NPSR1: variants seen among roughly 807,000 people sequenced by gnomAD.
NPSR1 encodes neuropeptide S receptor.
A neutral mutation model predicts 46.9 loss-of-function variants in NPSR1; 48 were observed. The observed-to-expected ratio is 1.02, with a 90% confidence interval of 0.81 to 1.30. The LOEUF is 1.30. NPSR1 is among the 50% of genes most tolerant of loss of function. The pLI is 0.00. For synonymous variants in NPSR1, 176 were observed against 168.1 expected (o/e 1.05, Z -0.36); for missense variants, 450 against 449.5 (o/e 1.00, Z -0.01).
At chr7:34,813,766 G>A (rs1243758091) in intron 4 of NPSR1, among the ~76,000 whole-genome samples, 2 of 152,198 alleles carry the variant, frequency 1.3e-5, no homozygotes, top group Non-Finnish European at 2.9e-5. Flanking sequence ...CCAGTGGTGT[G>A]ACCACCACAG....
At chr7:34,691,418 G>C (rs760137557) in intron 2 of NPSR1, among the ~76,000 whole-genome samples, 4 of 152,062 alleles carry the variant, frequency 2.6e-5, no homozygotes, top group Non-Finnish European at 4.4e-5. Flanking sequence ...AAAATATAGA[G>C]TGGAAAATTG....
intron 5 of NPSR1, among the ~76,000 whole-genome samples, chr7:34,831,634 T>C (rs1790123271): frequency 6.6e-6 from 1 of 152,068 alleles, no homozygotes; most frequent in Non-Finnish European, 1.5e-5. Context: ...GCAAAGGCAA[T>C]ACATTGTTTT....
intron 2 of NPSR1, among the ~76,000 whole-genome samples, chr7:34,688,573 T>C (rs1051893139): frequency 1.3e-5 from 2 of 152,132 alleles, no homozygotes; most frequent in African/African-American, 4.8e-5. Flanking sequence ...CACACCTGGA[T>C]GTAATTCCAG....
At chr7:34,819,988 T>C (rs1365718028) in intron 4 of NPSR1, among the ~76,000 whole-genome samples, 4 of 152,142 alleles carry the variant, frequency 2.6e-5, no homozygotes, top group Non-Finnish European at 5.9e-5. Context: ...AGTTGATGGG[T>C]GCAGCAAACC....
Position 34,670,393 on chromosome 7 carries a change from G to A in NPSR1, c.147+11834G>A, listed in dbSNP as rs529707322. Reference sequence around the variant, plus strand: ...AACTAGTATTTTTGCAACAAAAGTAGTGGGTGAATAATGGTTCTTATATAA... The same window carrying A: ...AACTAGTATTTTTGCAACAAAAGTAATGGGTGAATAATGGTTCTTATATAA... On this transcript the variant is annotated intron_variant, in intron 1 of 8. Transcript: ENST00000360581. 2.0e-4 allele frequency among the ~76,000 whole-genome samples: 30 copies of A among 152,130 alleles called. No individual in the cohort carries two copies. In the South Asian group the frequency reaches 4.1e-3, roughly 21 times the overall value.
rs34725992 is a variant in NPSR1 at position 34,814,519 on chromosome 7, G to A, written c.478+2656G>A. Among the ~76,000 whole-genome samples, 544 of 152,330 alleles carry A rather than the reference G, an allele frequency of 3.6e-3. 1 individual carries two copies. The highest frequency in any genetic ancestry group is 5.7e-3 in the Non-Finnish European group (390 of 68,018). On this transcript the variant is annotated intron_variant, in intron 4 of 8. Coordinates refer to ENST00000360581, the MANE Select transcript of NPSR1 (RefSeq NM_207172.2). ...TCTGCAGACTTAAACGTCCCTGTTC[G>A]ACAGCTCTGAAGAGCACAGTGGTTC...
chr7:34,775,908 A>T (rs1203304081), intron 2 of NPSR1, among the ~76,000 whole-genome samples: 1 of 152,106 alleles, frequency 6.6e-6, no homozygotes, highest in African/African-American at 2.4e-5. Context: ...TGTATCCCAT[A>T]GATTTTGGTA....
intron 8 of NPSR1, among the ~76,000 whole-genome samples, chr7:34,868,132 T>A (rs1791361188): frequency 1.3e-5 from 2 of 151,658 alleles, no homozygotes; most frequent in Admixed American, 1.3e-4. Flanking sequence ...TCTGGTGAAT[T>A]TTCTTTATTA....
chr7:34,721,768 C>T (rs1372347328), intron 2 of NPSR1, among the ~76,000 whole-genome samples: 1 of 152,036 alleles, frequency 6.6e-6, no homozygotes, highest in Admixed American at 6.6e-5. Flanking sequence ...ATGAAAGCAA[C>T]AGTTTTTAAA....
intron 2 of NPSR1, among the ~76,000 whole-genome samples, chr7:34,771,313 C>T (rs913865615): frequency 3.9e-5 from 6 of 152,078 alleles, no homozygotes; most frequent in South Asian, 2.1e-4. Flanking sequence ...TGTGGTGTCA[C>T]GTACTGTTCC....
chr7:34,744,889 A>G lies in NPSR1; in HGVS notation c.281-33573A>G, dbSNP rs548774812. ...TTGTGAATTGAAAATATTCAGAAAA[A>G]AATGCATCTATACTGAACATGTTCA... On this transcript the variant is annotated intron_variant, in intron 2 of 8. Transcript: ENST00000360581. Among the ~76,000 whole-genome samples the G allele has an allele frequency of 9.2e-5, 14 of 152,320 alleles. No homozygotes were observed. The East Asian group carries it at 2.5e-3, about 27-fold the overall frequency.
intron 3 of NPSR1, among the ~76,000 whole-genome samples, chr7:34,787,178 T>G (rs1787502462): frequency 6.6e-6 from 1 of 152,168 alleles, no homozygotes; most frequent in Admixed American, 6.5e-5. Flanking sequence ...ATATTCTGGA[T>G]AACTTAATGC....
At chr7:34,797,751 C>A (rs972333055) in intron 3 of NPSR1, among the ~76,000 whole-genome samples, 3 of 151,950 alleles carry the variant, frequency 2.0e-5, no homozygotes, top group Admixed American at 1.3e-4. Context: ...CTGCAGAAAA[C>A]CAAAGACAAA....
At position 34,827,430 on chromosome 7, in the gene NPSR1, G is replaced by A. The variant is rs766192701; in HGVS notation, c.508G>A (p.Ala170Thr). 103 of 1,613,870 alleles carry A rather than the reference G, an allele frequency of 6.4e-5. No homozygotes were observed. The highest frequency in any genetic ancestry group is 2.4e-4 in the South Asian group (22 of 91,078). ...GCAAGCCAGGGTCCTCATTGTGATCGCCTGGAGCCTGTCTTTTCTGTTCTC... is the reference window on the plus strand; with the variant it reads ...GCAAGCCAGGGTCCTCATTGTGATCACCTGGAGCCTGTCTTTTCTGTTCTC... ...EKQARVLIVI[A>T]WSLSFLFSIP... Residue 170 changes from alanine (A) to threonine (T), a missense_variant, in exon 5 of 9, where the codon GCC becomes ACC. By Grantham distance (58) the Ala-to-Thr change is moderately conservative (BLOSUM62 0). Transcript: ENST00000360581.
At chr7:34,660,940 C>A (rs556020030) in intron 1 of NPSR1, among the ~76,000 whole-genome samples, 3 of 152,318 alleles carry the variant, frequency 2.0e-5, no homozygotes, top group Admixed American at 2.0e-4. Context: ...CTGTCTTAAA[C>A]TGCTATTTCC....
intron 2 of NPSR1, among the ~76,000 whole-genome samples, chr7:34,694,898 C>T (rs199702509): frequency 9.9e-5 from 15 of 152,008 alleles, no homozygotes; most frequent in South Asian, 2.1e-4. Flanking sequence ...TTAGTAGAGA[C>T]GGGGTTTCAC....
intron 2 of NPSR1, among the ~76,000 whole-genome samples, chr7:34,769,112 T>A (rs1402457484): frequency 1.3e-5 from 2 of 152,170 alleles, no homozygotes; most frequent in African/African-American, 4.8e-5. Context: ...TTTTATTTGT[T>A]CCATCTATAT....
At chr7:34,839,476 G>T (rs1790494753) in intron 6 of NPSR1, among the ~76,000 whole-genome samples, 1 of 152,102 alleles carries the variant, frequency 6.6e-6, no homozygotes, top group Non-Finnish European at 1.5e-5. Flanking sequence ...ATAGACAAAT[G>T]GAAACCTCAG....
intron 3 of NPSR1, among the ~76,000 whole-genome samples, chr7:34,791,902 A>G (rs1290630852): frequency 6.6e-6 from 1 of 152,160 alleles, no homozygotes; most frequent in African/African-American, 2.4e-5. Flanking sequence ...CCATGTATGT[A>G]TGGTCCACTG....
Sources: gnomAD v4.1 joint callset for allele counts (sites outside exome capture counted in the v4.1 genomes callset) on GRCh38, gnomAD v4.1.1 for gene constraint, MANE v1.5 for transcripts, NCBI Gene and HGNC (gene_info 2026-07-23, HGNC 2026-07-21) for gene names.